LAMA3: variants seen among roughly 807,000 people sequenced by gnomAD.
LAMA3 encodes the protein laminin subunit alpha-3.
A neutral mutation model predicts 402.0 loss-of-function variants in LAMA3; 281 were observed. The ratio of observed to expected loss-of-function variants is 0.70; its 90% CI spans 0.63 to 0.77. The LOEUF (loss-of-function observed/expected upper bound fraction) is 0.77. Ranked by LOEUF, LAMA3 falls within the 30% of genes least tolerant of loss-of-function variation. LAMA3 has a pLI of 0.00. For synonymous variants in LAMA3, 1,431 were observed against 1,558.4 expected, an observed-to-expected ratio of 0.92 and a Z score of 1.93; for missense variants, 3,840 against 4,215.5, an observed-to-expected ratio of 0.91 and a Z score of 2.47.
chr18:23,840,984 G>A (rs980413275), intron 27 of LAMA3, among the ~76,000 whole-genome samples: 6 of 152,122 alleles, frequency 3.9e-5, no homozygotes, highest in Non-Finnish European at 5.9e-5. Flanking sequence ...GGAGCATTTT[G>A]GATTTTCAGT....
At chr18:23,714,656 T>C (rs1407623475) in intron 2 of LAMA3, among the ~76,000 whole-genome samples, 1 of 152,248 alleles carries the variant, frequency 6.6e-6, no homozygotes, top group Non-Finnish European at 1.5e-5. Context: ...TTATTTTTAA[T>C]TGTGGTAAAA....
At chr18:23,709,696 A>G (rs962673206) in intron 1 of LAMA3, 1 of 417,006 alleles carries the variant, frequency 2.4e-6, no homozygotes, top group Non-Finnish European at 4.5e-6. Context: ...GGAAGGAAAG[A>G]GCCTCCTCAA....
chr18:23,874,591 C>T (rs963365422), intron 38 of LAMA3, among the ~76,000 whole-genome samples: 1 of 152,176 alleles, frequency 6.6e-6, no homozygotes, highest in Non-Finnish European at 1.5e-5. Flanking sequence ...ATTCCACTCC[C>T]GGAGCACATG....
chr18:23,872,488 G>A (rs1485593897), intron 38 of LAMA3, among the ~76,000 whole-genome samples: 2 of 152,016 alleles, frequency 1.3e-5, no homozygotes, highest in Admixed American at 6.6e-5. Context: ...CCATAAGTAC[G>A]TAGGCTTAGC....
At position 23,842,508 on chromosome 18, in the gene LAMA3, G is replaced by A; in HGVS notation, c.3450G>A (p.Gly1150=). The change falls in exon 28 of 75, where the codon GGG becomes GGA. Residue 1150 remains glycine (G), a synonymous_variant. Transcript: ENST00000313654. ...CCGCGCAGGTGTCGGTGGATGGCGG[G>A]TGGCCACGGGCAGGTGAGCTGCAGT... ...TFPAQVSVDG[G]WPRAGSFHAS... 1 of 1,614,240 alleles carries A rather than the reference G, an allele frequency of 6.2e-7. No individual in the cohort carries two copies. Among genetic ancestry groups the A allele is most frequent in the African/African-American group, 1.3e-5 (1 of 75,062 alleles).
intron 29 of LAMA3, among the ~76,000 whole-genome samples, chr18:23,844,590 C>T (rs1217866725): frequency 6.6e-6 from 1 of 152,240 alleles, no homozygotes; most frequent in Non-Finnish European, 1.5e-5. Flanking sequence ...TGAGCCTTTA[C>T]TCCTGGCTTT....
intron 27 of LAMA3, among the ~76,000 whole-genome samples, chr18:23,842,047 A>G (rs1018083058): frequency 6.6e-6 from 1 of 152,194 alleles, no homozygotes; most frequent in African/African-American, 2.4e-5. Context: ...CAGAAGGCCA[A>G]TTCTGGGTTA....
At chr18:23,809,060 G>A (rs747087383) in intron 12 of LAMA3, among the ~76,000 whole-genome samples, 2 of 152,222 alleles carry the variant, frequency 1.3e-5, no homozygotes, top group Non-Finnish European at 2.9e-5. Flanking sequence ...GTGGGAAAGT[G>A]TAAAGAGCAC....
chr18:23,761,448 T>C (rs1047800531), intron 7 of LAMA3, among the ~76,000 whole-genome samples: 7 of 152,230 alleles, frequency 4.6e-5, no homozygotes, highest in Non-Finnish European at 1.0e-4. Context: ...CAAAGACAGG[T>C]TGGAATTTCG....
chr18:23,931,618 A>G (rs2082166055), intron 65 of LAMA3: 1 of 203,898 alleles, frequency 4.9e-6, no homozygotes, highest in Non-Finnish European at 1.0e-5. Context: ...CTAGAACTAT[A>G]TGTAATGACA....
Position 23,751,365 on chromosome 18 carries a change from C to T in LAMA3, c.855+277C>T, listed in dbSNP as rs80227952. Among the ~76,000 whole-genome samples the T allele has an allele frequency of 3.6e-3, 555 of 152,256 alleles. 3 individuals are homozygous for T. Among genetic ancestry groups the T allele is most frequent in the African/African-American group, 0.013 (527 of 41,566 alleles). Reference sequence around the variant, plus strand: ...CTGGATGGGATAATTAATACTACAGCCAACAATTCCCAAATCTCAGTGGCT... The same window carrying T: ...CTGGATGGGATAATTAATACTACAGTCAACAATTCCCAAATCTCAGTGGCT... On this transcript the variant is annotated intron_variant, in intron 5 of 74. Coordinates refer to ENST00000313654, the MANE Select transcript of LAMA3 (RefSeq NM_198129.4).
chr18:23,787,799 G>A (rs1011651420), intron 12 of LAMA3, among the ~76,000 whole-genome samples: 1 of 151,980 alleles, frequency 6.6e-6, no homozygotes, highest in African/African-American at 2.4e-5. Context: ...CACCCAACCT[G>A]ACTTATAAGA....
intron 7 of LAMA3, 43 bp downstream of exon 7, chr18:23,758,554 C>G: frequency 6.9e-7 from 1 of 1,441,490 alleles, no homozygotes; most frequent in Non-Finnish European, 9.7e-7. Flanking sequence ...GGCCTTCTCC[C>G]CCCTCTCCCT....
intron 30 of LAMA3, 87 bp from the exon 31 acceptor site, chr18:23,846,210 G>A (rs2144626354): frequency 8.0e-7 from 1 of 1,244,844 alleles, no homozygotes; most frequent in South Asian, 1.2e-5. Flanking sequence ...AGATGCTGCT[G>A]GGTGGAGCAG....
intron 23 of LAMA3, among the ~76,000 whole-genome samples, chr18:23,831,492 G>A (rs1228882085): frequency 2.6e-5 from 4 of 151,806 alleles, no homozygotes. Flanking sequence ...TCTTCTCCTT[G>A]TCCTCCACAC....
At chr18:23,755,999 G>A (rs1383081962) in intron 6 of LAMA3, among the ~76,000 whole-genome samples, 1 of 152,188 alleles carries the variant, frequency 6.6e-6, no homozygotes, top group Non-Finnish European at 1.5e-5. Flanking sequence ...ATCCCCCTAT[G>A]TGTGGAGTTG....
chr18:23,915,395 A>G lies in LAMA3; in HGVS notation c.7751A>G (p.Asn2584Ser), dbSNP rs746917957. ...LYNFKKTFNLNTTEVEPCRRR... is the reference protein window; with the variant it reads ...LYNFKKTFNLSTTEVEPCRRR... The stretch of plus-strand genomic sequence containing the variant: ...AACTTCAAAAAAACATTCAATCTCA[A>G]CACAACTGAAGTGGAGCCTTGTAGA... Residue 2584 changes from asparagine to serine, a missense_variant, in exon 59 of 75, where the codon AAC becomes AGC. This residue lies in a region of LAMA3 where 840 missense variants were observed against 981.9 expected (regional missense o/e 0.86). Coordinates refer to ENST00000313654, the MANE Select transcript of LAMA3 (RefSeq NM_198129.4). 1.9e-6 allele frequency: 3 copies of G among 1,613,948 alleles called. No homozygotes were observed.
In LAMA3 at chr18:23,875,603, T is replaced by C. The variant is rs186467362; in HGVS notation, c.4999-691T>C. ...GCCTAGTGAGTGGCAATAAAGTGAC[T>C]CCACTGATTGTGGCATGATTGTCTA... On this transcript the variant is annotated intron_variant, in intron 38 of 74. Coordinates refer to ENST00000313654, the MANE Select transcript of LAMA3 (RefSeq NM_198129.4). Among the ~76,000 whole-genome samples the C allele has an allele frequency of 8.0e-4, 122 of 152,186 alleles. 1 individual carries two copies. The highest frequency in any genetic ancestry group is 4.1e-3 in the Admixed American group (62 of 15,288).
chr18:23,699,251 G>A (rs1613120), intron 1 of LAMA3, among the ~76,000 whole-genome samples: 10 of 152,174 alleles, frequency 6.6e-5, no homozygotes, highest in Admixed American at 2.0e-4. Context: ...CGTTTTGAAT[G>A]TTGTCCCTGA....
Sources: gnomAD v4.1 joint callset for allele counts (sites outside exome capture counted in the v4.1 genomes callset) on GRCh38, gnomAD v4.1.1 for gene constraint, gnomAD v4.1.1 regional missense constraint, MANE v1.5 for transcripts, NCBI Gene and HGNC (gene_info 2026-07-23, HGNC 2026-07-21) for gene names.